The following DLGAP1 variants were observed in gnomAD, a reference collection of about 807,000 sequenced individuals.
DLGAP1 encodes the protein disks large-associated protein 1.
DLGAP1 carries 11 observed loss-of-function variants against 90.8 expected under a neutral mutation model. That is an observed-to-expected ratio of 0.12 (90% CI 0.08 to 0.20). DLGAP1 has a LOEUF of 0.20. Ranked by LOEUF, DLGAP1 falls within the 10% of genes least tolerant of loss-of-function variation. The pLI, the probability that DLGAP1 is intolerant of heterozygous loss-of-function variation, is 1.00. For missense variants in DLGAP1, 1,050 were observed against 1,333.8 expected (o/e 0.79, Z 3.31); for synonymous variants, 558 against 540.7 (o/e 1.03, Z -0.44).
chr18:3,852,740 T>A (rs761371053), intron 4 of DLGAP1, among the ~76,000 whole-genome samples: 6 of 152,200 alleles, frequency 3.9e-5, no homozygotes, highest in Non-Finnish European at 7.3e-5. Context: ...TTTCTGCATA[T>A]ATTGAGACAA....
chr18:4,327,880 G>A (rs2143687282), intron 1 of DLGAP1, among the ~76,000 whole-genome samples: 1 of 152,044 alleles, frequency 6.6e-6, no homozygotes, highest in Middle Eastern at 3.4e-3. Flanking sequence ...TATATACCAT[G>A]CCGACATGTG....
At chr18:4,381,617 T>TC (rs576488261) in intron 1 of DLGAP1, among the ~76,000 whole-genome samples, 3 of 152,018 alleles carry the variant, frequency 2.0e-5, no homozygotes, top group Non-Finnish European at 2.9e-5. Flanking sequence ...GACAATGGAG[T>TC]CCCCCGTTTC....
At chr18:4,312,421 T>C (rs1295214536) in intron 1 of DLGAP1, among the ~76,000 whole-genome samples, 2 of 152,132 alleles carry the variant, frequency 1.3e-5, no homozygotes, top group Non-Finnish European at 2.9e-5. Context: ...ACTTAAAAAA[T>C]TTTTCAATTT....
intron 12 of DLGAP1, among the ~76,000 whole-genome samples, chr18:3,501,949 G>GAAAAA: frequency 9.1e-6 from 1 of 109,374 alleles, no homozygotes; most frequent in Non-Finnish European, 1.8e-5. Context: ...AAACTGTTTT[G>GAAAAA]AAAAAAAAAA....
Position 4,378,389 on chromosome 18 carries a change from C to T in DLGAP1, c.-267+76617G>A, listed in dbSNP as rs977058243. 2.6e-4 allele frequency among the ~76,000 whole-genome samples: 40 copies of T among 152,046 alleles called. No homozygotes were observed. The highest frequency in any genetic ancestry group is 6.3e-4 in the African/African-American group (26 of 41,484). ...AATGCAATACATTATAACTTTTTAA[C>T]GACAAAATCATTCTGTATAATTAAG... On this transcript the variant is annotated intron_variant, in intron 1 of 12. Coordinates refer to ENST00000315677, the MANE Select transcript of DLGAP1 (RefSeq NM_004746.4). The surrounding 1 kb of genome is among the most constrained non-coding windows in gnomAD (Gnocchi z 4.5).
chr18:3,670,081 G>T (rs2033133960), intron 7 of DLGAP1, among the ~76,000 whole-genome samples: 1 of 152,140 alleles, frequency 6.6e-6, no homozygotes, highest in Non-Finnish European at 1.5e-5. Context: ...GATAGGAAAA[G>T]AGTATATTGT....
chr18:4,008,964 C>T (rs1025409429), intron 2 of DLGAP1, among the ~76,000 whole-genome samples: 3 of 152,018 alleles, frequency 2.0e-5, no homozygotes, highest in East Asian at 1.9e-4. Context: ...AGTGCGGTGG[C>T]GCGATCTCGG....
chr18:3,747,098 C>G (rs549175195), intron 5 of DLGAP1, among the ~76,000 whole-genome samples: 1 of 152,268 alleles, frequency 6.6e-6, no homozygotes, highest in African/African-American at 2.4e-5. Flanking sequence ...TGGCTCACAC[C>G]TGTAATCCTA....
intron 1 of DLGAP1, among the ~76,000 whole-genome samples, chr18:4,262,801 A>C (rs912282799): frequency 1.3e-5 from 2 of 152,166 alleles, no homozygotes; most frequent in Non-Finnish European, 2.9e-5. Flanking sequence ...ATATCTGTAA[A>C]ATGGATGTAA....
At chr18:3,885,970 A>T (rs759085890) in intron 3 of DLGAP1, among the ~76,000 whole-genome samples, 1 of 152,228 alleles carries the variant, frequency 6.6e-6, no homozygotes, top group Non-Finnish European at 1.5e-5. Context: ...ACATATTAGA[A>T]GATGCTGACA....
chr18:3,946,926 A>G (rs1047378170), intron 3 of DLGAP1, among the ~76,000 whole-genome samples: 2 of 152,196 alleles, frequency 1.3e-5, no homozygotes, highest in Non-Finnish European at 2.9e-5. Context: ...TTGAAGATAC[A>G]TTTGTAGGAT....
At chr18:3,995,982 A>G (rs538938323) in intron 3 of DLGAP1, among the ~76,000 whole-genome samples, 67 of 152,210 alleles carry the variant, frequency 4.4e-4, no homozygotes, top group African/African-American at 1.6e-3. Flanking sequence ...AATATTTTTG[A>G]GCACCTATTA....
At chr18:3,635,279 C>A (rs1787810) in intron 7 of DLGAP1, among the ~76,000 whole-genome samples, 3 of 152,006 alleles carry the variant, frequency 2.0e-5, no homozygotes, top group Non-Finnish European at 2.9e-5. Context: ...TACAGGCGCC[C>A]GCCACCACGC....
rs1555742753 is a variant in DLGAP1, at chr18:4,115,477, C to CCTCT, written c.-159+35702_-159+35703insAGAG. On this transcript the variant is annotated intron_variant, in intron 2 of 12. Coordinates refer to ENST00000315677, the MANE Select transcript of DLGAP1 (RefSeq NM_004746.4). The stretch of plus-strand genomic sequence containing the variant: ...AACTACCATCTAGTGTCATTTTCTT[C>CCTCT]CTTTCTTTCTTTCTTTCTTTTTTTT... Among the ~76,000 whole-genome samples, 103 of 145,486 alleles carry CCTCT rather than the reference C, an allele frequency of 7.1e-4. 2 individuals carry two copies. The highest frequency in any genetic ancestry group is 2.8e-3 in the African/African-American group (102 of 36,088).
intron 1 of DLGAP1, among the ~76,000 whole-genome samples, chr18:4,189,088 A>G (rs1370995284): frequency 1.3e-5 from 2 of 152,152 alleles, no homozygotes; most frequent in African/African-American, 2.4e-5. Flanking sequence ...TGCTGTAAAC[A>G]TCTAAGAATA....
chr18:4,129,968 A>G (rs900943523), intron 2 of DLGAP1, among the ~76,000 whole-genome samples: 1 of 152,196 alleles, frequency 6.6e-6, no homozygotes, highest in Non-Finnish European at 1.5e-5. Flanking sequence ...TGTCCGGAGC[A>G]TGCTGAACAG....
intron 1 of DLGAP1, among the ~76,000 whole-genome samples, chr18:4,290,834 GTCTA>G (rs527547532): frequency 1.7e-4 from 26 of 152,100 alleles, no homozygotes; most frequent in Non-Finnish European, 3.2e-4. Context: ...CCCACATGTG[GTCTA>G]TCTTTTTCAC....
intron 1 of DLGAP1, among the ~76,000 whole-genome samples, chr18:4,356,785 C>T (rs1260601836): frequency 6.6e-6 from 1 of 152,128 alleles, no homozygotes; most frequent in Non-Finnish European, 1.5e-5. Context: ...CCCAAAAAGA[C>T]CCTATATATT....
chr18:4,416,604 A>G (rs949295761), intron 1 of DLGAP1, among the ~76,000 whole-genome samples: 2 of 152,246 alleles, frequency 1.3e-5, no homozygotes, highest in Admixed American at 6.5e-5. Context: ...CTAAATGCCC[A>G]AAGGCAAAGC....
Sources: gnomAD v4.1 joint callset for allele counts (sites outside exome capture counted in the v4.1 genomes callset) on GRCh38, gnomAD v4.1.1 for gene constraint, Gnocchi (gnomAD v3.1) non-coding constraint, MANE v1.5 for transcripts, NCBI Gene and HGNC (gene_info 2026-07-23, HGNC 2026-07-21) for gene names.